The following SH3BGR variants were observed in gnomAD, a reference collection of about 807,000 sequenced individuals.
The protein encoded by SH3BGR is SH3 domain-binding glutamic acid-rich protein.
In SH3BGR, 29 loss-of-function variants were observed where a neutral mutation model predicts 24.5. The ratio of observed to expected loss-of-function variants is 1.18; its 90% CI spans 0.88 to 1.61. The LOEUF (loss-of-function observed/expected upper bound fraction) is 1.61, where lower values mean the gene tolerates loss of function less well. SH3BGR is among the 40% of genes most tolerant of loss of function. SH3BGR has a pLI of 0.00. For synonymous variants in SH3BGR, 55 were observed against 65.7 expected, an observed-to-expected ratio of 0.84 and a Z score of 0.79; for missense variants, 162 against 205.8, an observed-to-expected ratio of 0.79 and a Z score of 1.30.
At chr21:39,505,469 A>G (rs1398096394) in intron 4 of SH3BGR, among the ~76,000 whole-genome samples, 1 of 152,202 alleles carries the variant, frequency 6.6e-6, no homozygotes, top group Non-Finnish European at 1.5e-5. Flanking sequence ...GATATTGATA[A>G]AGAGTGCTAG....
chr21:39,479,450 G>A (rs533049285), intron 3 of SH3BGR, among the ~76,000 whole-genome samples: 107 of 151,742 alleles, frequency 7.1e-4, no homozygotes, highest in Non-Finnish European at 1.4e-3. Context: ...GGTGGTGATG[G>A]TAGTGGTGGT....
rs757247195 is a variant in SH3BGR at position 39,452,021 on chromosome 21, T to C, written c.-76T>C. The C allele has an allele frequency of 6.2e-7, 1 of 1,614,178 alleles. No homozygotes were observed. The stretch of plus-strand genomic sequence containing the variant: ...CCGACCTGGCACTTGCTTGCCTGTG[T>C]CACTGTCAGGATTTGTCTAGCGGCG... On this transcript the variant is annotated 5_prime_UTR_variant, in exon 1 of 7. Transcript: ENST00000333634.
intron 3 of SH3BGR, among the ~76,000 whole-genome samples, chr21:39,478,267 T>C (rs564698269): frequency 8.6e-4 from 131 of 152,386 alleles, no homozygotes; most frequent in Non-Finnish European, 1.5e-3. Context: ...TATATTTTCC[T>C]GCTTTAGTCT....
intron 2 of SH3BGR, among the ~76,000 whole-genome samples, chr21:39,472,184 G>A (rs544633571): frequency 6.6e-6 from 1 of 152,120 alleles, no homozygotes; most frequent in African/African-American, 2.4e-5. Context: ...CACAGACTGG[G>A]TAGTTTATAA....
chr21:39,464,733 C>T (rs145911085), intron 2 of SH3BGR, among the ~76,000 whole-genome samples: 35 of 152,294 alleles, frequency 2.3e-4, no homozygotes, highest in Non-Finnish European at 4.7e-4. Context: ...AATTCCTCCT[C>T]ACCCCTCGCT....
chr21:39,503,407 T>C (rs2078529739), intron 4 of SH3BGR, among the ~76,000 whole-genome samples: 1 of 151,904 alleles, frequency 6.6e-6, no homozygotes, highest in Admixed American at 6.6e-5. Context: ...ATCAAGTTTT[T>C]ACCTTTTTTT....
chr21:39,504,388 G>A (rs771541220), intron 4 of SH3BGR, among the ~76,000 whole-genome samples: 22 of 152,260 alleles, frequency 1.4e-4, no homozygotes, highest in Admixed American at 7.8e-4. Flanking sequence ...TGCAGGTCAC[G>A]CTGGGCTAGT....
intron 3 of SH3BGR, among the ~76,000 whole-genome samples, chr21:39,482,790 C>G (rs532525104): frequency 8.5e-4 from 130 of 152,270 alleles, no homozygotes; most frequent in African/African-American, 3.1e-3. Context: ...GTGCCTCAGC[C>G]TCCAGAGTAG....
intron 3 of SH3BGR, among the ~76,000 whole-genome samples, chr21:39,478,065 A>G (rs1179710866): frequency 6.6e-6 from 1 of 152,196 alleles, no homozygotes; most frequent in Non-Finnish European, 1.5e-5. Flanking sequence ...TATAGTCACT[A>G]TCTTGTAAAA....
Position 39,511,908 on chromosome 21 carries a change from T to A in SH3BGR, c.*34+99T>A. 8.9e-7 allele frequency: 1 copy of A among 1,127,666 alleles called. No homozygotes were observed. Among genetic ancestry groups the A allele is most frequent in the Non-Finnish European group, 1.2e-6 (1 of 821,334 alleles). 69.9% of individuals were successfully genotyped at this position (1,127,666 alleles called of 1,614,324 possible). A position where few individuals can be genotyped will look rare whatever the true frequency, so the allele number is the denominator to read the frequency against. The stretch of plus-strand genomic sequence containing the variant: ...GTAACAGGAGAAAGGGAATTCCAAT[T>A]CAGGGCTGTCTGTCTCCTTCCAAAG... On this transcript the variant is annotated intron_variant, in intron 6 of 6. Transcript: ENST00000333634. This position sits in a 1 kb window ranked among gnomAD's most constrained non-coding sequence, Gnocchi z 4.2.
chr21:39,484,194 C>G (rs564047787), intron 3 of SH3BGR, among the ~76,000 whole-genome samples: 5 of 152,166 alleles, frequency 3.3e-5, no homozygotes, highest in African/African-American at 9.7e-5. Context: ...AAGCCTCTGA[C>G]TCAGACAGCA....
At position 39,511,534 on chromosome 21, in the gene SH3BGR, A is replaced by T; in HGVS notation, c.436-146A>T. 1.6e-6 allele frequency: 1 copy of T among 642,550 alleles called. No homozygotes were observed. The highest frequency in any genetic ancestry group is 2.1e-5 in the South Asian group (1 of 47,624). 39.8% of individuals were successfully genotyped at this position (642,550 alleles called of 1,614,324 possible). On this transcript the variant is annotated intron_variant, in intron 5 of 6. Coordinates refer to ENST00000333634, the MANE Select transcript of SH3BGR (RefSeq NM_007341.3). This position sits in a 1 kb window ranked among gnomAD's most constrained non-coding sequence, Gnocchi z 4.2. ...TTTGTGTGGCATGTGTGGTGTGTGT[A>T]TTTGTGTGTTGTGTGTGTTTGTTTG...
chr21:39,502,409 CT>C (rs1320023094), intron 4 of SH3BGR, among the ~76,000 whole-genome samples: 1 of 152,186 alleles, frequency 6.6e-6, no homozygotes, highest in East Asian at 1.9e-4. Context: ...CATCTTGAGG[CT>C]ATTTCTTTTT....
At chr21:39,471,727 G>T (rs967892129) in intron 2 of SH3BGR, among the ~76,000 whole-genome samples, 36 of 152,156 alleles carry the variant, frequency 2.4e-4, no homozygotes, top group African/African-American at 8.0e-4. Flanking sequence ...CTCTTAAAGT[G>T]CTGGGATTAT....
chr21:39,464,544 G>A (rs75822208), intron 2 of SH3BGR, among the ~76,000 whole-genome samples: 13,689 of 152,226 alleles, frequency 0.09, 803 homozygotes, highest in Non-Finnish European at 0.13. Context: ...ACTTTCTGGG[G>A]TTCCAGGCTG....
At chr21:39,509,860 T>C (rs1185464888) in intron 5 of SH3BGR, among the ~76,000 whole-genome samples, 1 of 152,110 alleles carries the variant, frequency 6.6e-6, no homozygotes, top group Non-Finnish European at 1.5e-5. Flanking sequence ...GTTACGTGTA[T>C]TGTCTAGATG....
At chr21:39,487,762 C>A (rs2078234455) in intron 3 of SH3BGR, among the ~76,000 whole-genome samples, 1 of 152,162 alleles carries the variant, frequency 6.6e-6, no homozygotes, top group Non-Finnish European at 1.5e-5. Flanking sequence ...TTTTGAGATT[C>A]ATTTTCCGGT....
At chr21:39,458,470 C>CG (rs1396526719) in intron 1 of SH3BGR, among the ~76,000 whole-genome samples, 3 of 151,684 alleles carry the variant, frequency 2.0e-5, no homozygotes, top group African/African-American at 7.3e-5. Flanking sequence ...TCCTGAGTAG[C>CG]GGGATTACAG....
At chr21:39,481,243 T>G (rs2078125746) in intron 3 of SH3BGR, among the ~76,000 whole-genome samples, 1 of 152,174 alleles carries the variant, frequency 6.6e-6, no homozygotes, top group Non-Finnish European at 1.5e-5. Context: ...GGCAGGAGGA[T>G]AGTTTGAGCC....
Sources: gnomAD v4.1 joint callset for allele counts (sites outside exome capture counted in the v4.1 genomes callset) on GRCh38, gnomAD v4.1.1 for gene constraint, Gnocchi (gnomAD v3.1) non-coding constraint, MANE v1.5 for transcripts, NCBI Gene and HGNC (gene_info 2026-07-23, HGNC 2026-07-21) for gene names.